Variants in NTM observed in about 807,000 individuals in gnomAD.
NTM encodes the protein neurotrimin, also known as IgLON family member 2.
NTM carries 13 observed loss-of-function variants against 42.1 expected under a neutral mutation model. That is an observed-to-expected ratio of 0.31 (90% confidence interval 0.20 to 0.49). The LOEUF is 0.49. Ranked by LOEUF, NTM falls within the 20% of genes least tolerant of loss-of-function variation. The pLI is 0.99. For synonymous variants in NTM, 187 were observed against 179.2 expected, an observed-to-expected ratio of 1.04 and a Z score of -0.35; for missense variants, 373 against 452.8, an observed-to-expected ratio of 0.82 and a Z score of 1.60.
At chr11:131,746,070 C>A (rs556369506) in intron 1 of NTM, among the ~76,000 whole-genome samples, 1 of 152,012 alleles carries the variant, frequency 6.6e-6, no homozygotes, top group African/African-American at 2.4e-5. Flanking sequence ...GCCTGGCCAT[C>A]GTCCGTCTGT....
intron 1 of NTM, among the ~76,000 whole-genome samples, chr11:131,472,806 T>A (rs1015190244): frequency 2.0e-5 from 3 of 152,092 alleles, no homozygotes; most frequent in African/African-American, 7.2e-5. Context: ...ACACAGCTAG[T>A]AAGAGGTAGA....
At chr11:132,010,588 G>A (rs1021921873) in intron 2 of NTM, among the ~76,000 whole-genome samples, 2 of 148,144 alleles carry the variant, frequency 1.4e-5, no homozygotes, top group Non-Finnish European at 3.0e-5. Flanking sequence ...GGCATTTGAA[G>A]CTCTTTATTA....
At chr11:131,429,063 TAAAG>T (rs1948441345) in intron 1 of NTM, among the ~76,000 whole-genome samples, 2 of 151,754 alleles carry the variant, frequency 1.3e-5, no homozygotes, top group Non-Finnish European at 2.9e-5. Context: ...TCAAAATAAA[TAAAG>T]AAATTCTGCT....
At chr11:131,375,160 T>G (rs1941787509) in intron 1 of NTM, among the ~76,000 whole-genome samples, 1 of 152,118 alleles carries the variant, frequency 6.6e-6, no homozygotes, top group African/African-American at 2.4e-5. Flanking sequence ...AATTTCTCTG[T>G]TTTCTGTAGG....
intron 4 of NTM, among the ~76,000 whole-genome samples, chr11:132,274,062 A>C (rs2139732274): frequency 6.6e-6 from 1 of 152,270 alleles, no homozygotes; most frequent in Non-Finnish European, 1.5e-5. Context: ...TTGTTCTGTA[A>C]GTTTGGCAGT....
intron 2 of NTM, among the ~76,000 whole-genome samples, chr11:131,999,029 C>T (rs1335310999): frequency 6.6e-6 from 1 of 152,142 alleles, no homozygotes; most frequent in Admixed American, 6.5e-5. Flanking sequence ...AATCACTCAG[C>T]CCCAGCTGAA....
chr11:131,649,363 A>T (rs1046243443), intron 1 of NTM, among the ~76,000 whole-genome samples: 3 of 152,204 alleles, frequency 2.0e-5, no homozygotes, highest in African/African-American at 7.2e-5. Context: ...GTTTATGCAT[A>T]TCGGGGAGGG....
intron 1 of NTM, among the ~76,000 whole-genome samples, chr11:131,580,575 G>C (rs2058320428): frequency 6.6e-6 from 1 of 152,160 alleles, no homozygotes; most frequent in Non-Finnish European, 1.5e-5. Flanking sequence ...CCACAGAACT[G>C]TCTCCTATTG....
chr11:132,086,585 C>T (rs2059745299), intron 2 of NTM, among the ~76,000 whole-genome samples: 1 of 152,178 alleles, frequency 6.6e-6, no homozygotes, highest in African/African-American at 2.4e-5. Context: ...CAAACGTGAC[C>T]TCACAGGTGA....
chr11:131,507,998 C>CA (rs1472476096), intron 1 of NTM, among the ~76,000 whole-genome samples: 1 of 151,950 alleles, frequency 6.6e-6, no homozygotes, highest in African/African-American at 2.4e-5. Context: ...GTCTAAAACA[C>CA]AAAAAGCAAT....
intron 2 of NTM, among the ~76,000 whole-genome samples, chr11:131,977,884 G>A (rs939840707): frequency 1.3e-5 from 2 of 152,114 alleles, no homozygotes; most frequent in Non-Finnish European, 2.9e-5. Context: ...TGCAAAAACA[G>A]CCCAAAATAA....
At chr11:131,751,538 C>T (rs1382584560) in intron 1 of NTM, among the ~76,000 whole-genome samples, 3 of 150,110 alleles carry the variant, frequency 2.0e-5, no homozygotes, top group East Asian at 2.0e-4. Context: ...TGCAGTGGGC[C>T]GAGATACTGC....
At chr11:131,890,231 T>G (rs2051105633) in intron 1 of NTM, among the ~76,000 whole-genome samples, 1 of 151,326 alleles carries the variant, frequency 6.6e-6, no homozygotes, top group African/African-American at 2.4e-5. Context: ...CCCCTGACCC[T>G]CAGAGACTTC....
chr11:131,914,701 A>G (rs73580753), intron 2 of NTM, among the ~76,000 whole-genome samples: 2,001 of 152,264 alleles, frequency 0.013, 42 homozygotes, highest in African/African-American at 0.046. Flanking sequence ...AAGAATTACA[A>G]TTTGCAGTCT....
intron 1 of NTM, among the ~76,000 whole-genome samples, chr11:131,870,245 G>A (rs567922508): frequency 1.3e-5 from 2 of 152,306 alleles, no homozygotes; most frequent in African/African-American, 4.8e-5. Context: ...ATGAATCCTG[G>A]TTTTACCATT....
chr11:132,286,978 C>T (rs7934599), intron 4 of NTM, among the ~76,000 whole-genome samples: 20,061 of 152,206 alleles, frequency 0.13, 1,449 homozygotes, highest in Non-Finnish European at 0.17. Flanking sequence ...GACTCAACTA[C>T]AGAAAATCCT....
chr11:132,134,117 C>G (rs1428138988), intron 2 of NTM, among the ~76,000 whole-genome samples: 3 of 152,126 alleles, frequency 2.0e-5, no homozygotes, highest in African/African-American at 7.2e-5. Context: ...TAAACAGGGT[C>G]TCACCATGTT....
intron 2 of NTM, among the ~76,000 whole-genome samples, chr11:132,000,550 A>G (rs1183171178): frequency 6.6e-6 from 1 of 152,158 alleles, no homozygotes; most frequent in Admixed American, 6.5e-5. Flanking sequence ...CATTTTTCAT[A>G]TTATGTGCCC....
chr11:131,514,206 G>A (rs118157980), intron 1 of NTM, among the ~76,000 whole-genome samples: 2,112 of 152,260 alleles, frequency 0.014, 18 homozygotes, highest in Non-Finnish European at 0.021. Context: ...GCAAGTATCC[G>A]CCCTGATATG....
Sources: allele counts gnomAD v4.1 joint callset (sites outside exome capture counted in the v4.1 genomes callset), GRCh38; gene constraint gnomAD v4.1.1; transcripts MANE v1.5; gene names NCBI Gene and HGNC (gene_info 2026-07-23, HGNC 2026-07-21).